Variants in ARHGAP6 observed in about 807,000 individuals in gnomAD.
ARHGAP6 encodes the protein rho GTPase-activating protein 6.
ARHGAP6 carries 16 observed loss-of-function variants against 55.7 expected under a neutral mutation model. The ratio of observed to expected loss-of-function variants is 0.29; its 90% CI spans 0.19 to 0.44. ARHGAP6 has a LOEUF of 0.44. ARHGAP6 is among the 20% of genes least tolerant of loss of function. The pLI is 1.00. For synonymous variants in ARHGAP6, 382 were observed against 360.9 expected (o/e 1.06, Z -0.66); for missense variants, 698 against 808.9 (o/e 0.86, Z 1.66).
rs149778138 is a variant in ARHGAP6, at chrX:11,505,554, T to C, written c.588+158687A>G. ...CCCAGAAATCCTATTACTGTGTATA[T>C]ACCCAGAGGAATATAAATAATTCTA... On this transcript the variant is annotated intron_variant, in intron 1 of 12. Coordinates refer to ENST00000337414, the MANE Select transcript of ARHGAP6 (RefSeq NM_013427.3). Among the ~76,000 whole-genome samples the C allele has an allele frequency of 2.0e-3, 222 of 111,240 alleles. 1 individual carries two copies. Among genetic ancestry groups the C allele is most frequent in the African/African-American group, 6.9e-3 (211 of 30,572 alleles).
intron 1 of ARHGAP6, among the ~76,000 whole-genome samples, chrX:11,286,007 G>A (rs1215914556): frequency 9.0e-6 from 1 of 111,471 alleles, no homozygotes; most frequent in Non-Finnish European, 1.9e-5. Context: ...GCAGAGTAAT[G>A]TTAAAGCTGA....
intron 1 of ARHGAP6, among the ~76,000 whole-genome samples, chrX:11,340,525 G>C (rs944864723): frequency 3.0e-4 from 33 of 111,089 alleles, no homozygotes; most frequent in African/African-American, 1.1e-3. Flanking sequence ...GTCAGGAGAT[G>C]GAGACCATCC....
intron 1 of ARHGAP6, among the ~76,000 whole-genome samples, chrX:11,373,640 G>T (rs980680573): frequency 8.9e-6 from 1 of 111,964 alleles, no homozygotes; most frequent in African/African-American, 3.2e-5. Context: ...TTTAAGCAAA[G>T]GTCACATCTC....
intron 1 of ARHGAP6, among the ~76,000 whole-genome samples, chrX:11,661,543 G>A (rs985837067): frequency 1.2e-4 from 13 of 112,548 alleles, no homozygotes; most frequent in African/African-American, 6.5e-5. Flanking sequence ...GACAATTTAC[G>A]TTAAAAGCAG....
At chrX:11,260,417 C>T (rs886499007) in intron 1 of ARHGAP6, among the ~76,000 whole-genome samples, 2 of 111,842 alleles carry the variant, frequency 1.8e-5, no homozygotes, top group Non-Finnish European at 3.8e-5. Flanking sequence ...TTCTTATCTC[C>T]CTGCTACCTG....
At chrX:11,649,841 T>G (rs1050524357) in intron 1 of ARHGAP6, among the ~76,000 whole-genome samples, 16 of 111,841 alleles carry the variant, frequency 1.4e-4, no homozygotes, top group African/African-American at 5.2e-4. Flanking sequence ...GAGTGTGATC[T>G]AAAACTCTGT....
intron 1 of ARHGAP6, among the ~76,000 whole-genome samples, chrX:11,405,917 AT>A (rs1190426721): frequency 2.7e-5 from 3 of 109,819 alleles, no homozygotes; most frequent in Non-Finnish European, 5.7e-5. Context: ...GTTGTAAGGA[AT>A]TTTTTTTTAG....
chrX:11,625,606 G>C (rs1457366071), intron 1 of ARHGAP6, among the ~76,000 whole-genome samples: 5 of 111,175 alleles, frequency 4.5e-5, no homozygotes, highest in Non-Finnish European at 7.6e-5. Flanking sequence ...GAAGGAATAA[G>C]ATCAGGTATT....
At chrX:11,193,028 G>T (rs188952540) in intron 3 of ARHGAP6, among the ~76,000 whole-genome samples, 4 of 112,550 alleles carry the variant, frequency 3.6e-5, no homozygotes, top group Non-Finnish European at 7.5e-5. Context: ...TTTCTGATCA[G>T]TGTCAATCTT....
At chrX:11,507,858 T>A (rs768751533) in intron 1 of ARHGAP6, among the ~76,000 whole-genome samples, 20 of 112,237 alleles carry the variant, frequency 1.8e-4, no homozygotes, top group Middle Eastern at 4.6e-3. Context: ...GCCAGCAGCC[T>A]CAGAGAGACT....
chrX:11,423,520 G>A (rs895899565), intron 1 of ARHGAP6, among the ~76,000 whole-genome samples: 8 of 112,248 alleles, frequency 7.1e-5, no homozygotes, highest in African/African-American at 2.3e-4. Flanking sequence ...AGATGGTGCA[G>A]TGACCACACC....
At chrX:11,582,507 T>G (rs2051677516) in intron 1 of ARHGAP6, among the ~76,000 whole-genome samples, 1 of 112,082 alleles carries the variant, frequency 8.9e-6, no homozygotes, top group Admixed American at 9.5e-5. Context: ...TGGAAAAACA[T>G]TAGTCAAACA....
rs770869998 is a variant in ARHGAP6, at chrX:11,424,361, A to G, written c.589-169654T>C. Among the ~76,000 whole-genome samples, 8 of 112,840 alleles carry G rather than the reference A, an allele frequency of 7.1e-5. No homozygotes were observed. The South Asian group carries it at 2.6e-3, about 36-fold the overall frequency. Reference sequence around the variant, plus strand: ...CTAGACTGTGTTCAAATATTTTGCAATCTGTATAAGACAGTAACAAGGAGG... The same window carrying G: ...CTAGACTGTGTTCAAATATTTTGCAGTCTGTATAAGACAGTAACAAGGAGG... On this transcript the variant is annotated intron_variant, in intron 1 of 12. Transcript: ENST00000337414.
intron 2 of ARHGAP6, among the ~76,000 whole-genome samples, chrX:11,203,117 T>C (rs2046655949): frequency 8.9e-6 from 1 of 111,756 alleles, no homozygotes; most frequent in Non-Finnish European, 1.9e-5. Context: ...ATATTTTTAC[T>C]CAATAAATAG....
At chrX:11,148,463 T>A (rs1320273452) in intron 10 of ARHGAP6, 2 of 164,448 alleles carry the variant, frequency 1.2e-5, no homozygotes, top group Non-Finnish European at 2.3e-5. Flanking sequence ...CATCATGGAT[T>A]GAGGTTGGGT....
intron 1 of ARHGAP6, among the ~76,000 whole-genome samples, chrX:11,495,260 C>T (rs1478087396): frequency 9.0e-6 from 1 of 110,942 alleles, no homozygotes; most frequent in Non-Finnish European, 1.9e-5. Flanking sequence ...CCCCCACCCA[C>T]CCCTTTCCTT....
At chrX:11,386,818 T>C (rs764320174) in intron 1 of ARHGAP6, among the ~76,000 whole-genome samples, 3 of 111,354 alleles carry the variant, frequency 2.7e-5, no homozygotes, top group Non-Finnish European at 5.7e-5. Context: ...GAAAAAGAAA[T>C]AGAGGCAAGT....
At chrX:11,241,531 CGTGTGTGT>C (rs55815640) in intron 2 of ARHGAP6, among the ~76,000 whole-genome samples, 42 of 91,714 alleles carry the variant, frequency 4.6e-4, no homozygotes, top group East Asian at 1.1e-3. Flanking sequence ...ATGCTGGATA[CGTGTGTGT>C]GTGTGTGTGT....
At chrX:11,269,117 C>T (rs1440490502) in intron 1 of ARHGAP6, among the ~76,000 whole-genome samples, 4 of 111,618 alleles carry the variant, frequency 3.6e-5, no homozygotes, top group Non-Finnish European at 1.9e-5. Flanking sequence ...GACAAATAGA[C>T]TTATGTTGTG....
Sources: allele counts gnomAD v4.1 joint callset (sites outside exome capture counted in the v4.1 genomes callset), GRCh38; gene constraint gnomAD v4.1.1; transcripts MANE v1.5; gene names NCBI Gene and HGNC (gene_info 2026-07-23, HGNC 2026-07-21).